BCAS3: variants seen among roughly 807,000 people sequenced by gnomAD.
The protein encoded by BCAS3 is BCAS3 microtubule associated cell migration factor.
Under a neutral mutation model 116.1 loss-of-function variants are expected in BCAS3, and 53 were observed. The observed-to-expected ratio is 0.46, with a 90% CI of 0.37 to 0.57. BCAS3 has a LOEUF of 0.57. Ranked by LOEUF, BCAS3 falls within the 20% of genes least tolerant of loss-of-function variation. The probability of loss-of-function intolerance (pLI) is 0.00; values close to 1 mark genes in which losing one functional copy is unlikely to be tolerated. For missense variants in BCAS3, 917 were observed against 1,165.4 expected (o/e 0.79, Z 3.10); for synonymous variants, 391 against 408.2 (o/e 0.96, Z 0.51).
rs1159763158 is a variant in BCAS3, at chr17:61,325,494, T to C, written c.2426-42833T>C. Among the ~76,000 whole-genome samples, 1 of 152,204 alleles carries C rather than the reference T, an allele frequency of 6.6e-6. No individual in the cohort carries two copies. The highest frequency in any genetic ancestry group is 2.4e-5 in the African/African-American group (1 of 41,466). ...CTGCACTGGCTCTCCCTGAGGGCTT[T>C]CCATACCAATTCATTCTTGGTCAGT... On this transcript the variant is annotated intron_variant, in intron 22 of 23. Transcript: ENST00000407086. The surrounding 1 kb of genome is among the most constrained non-coding windows in gnomAD (Gnocchi z 6.4).
intron 22 of BCAS3, among the ~76,000 whole-genome samples, chr17:61,312,930 T>TAAGTTG: frequency 6.6e-6 from 1 of 152,188 alleles, no homozygotes; most frequent in Non-Finnish European, 1.5e-5. Flanking sequence ...GCATTCCCCT[T>TAAGTTG]TGAGCATCCA....
intron 14 of BCAS3, among the ~76,000 whole-genome samples, chr17:60,958,007 G>C (rs532863290): frequency 4.7e-4 from 71 of 152,190 alleles, no homozygotes; most frequent in Non-Finnish European, 9.4e-4. Context: ...ATTGAAAGAT[G>C]GCAATCCCTG....
At chr17:60,917,356 T>C (rs563598029) in intron 12 of BCAS3, among the ~76,000 whole-genome samples, 1 of 152,322 alleles carries the variant, frequency 6.6e-6, no homozygotes, top group Admixed American at 6.5e-5. Flanking sequence ...CATTCTACTT[T>C]CTGTGTTTGA....
At chr17:60,710,109 A>T (rs1446211963) in intron 5 of BCAS3, among the ~76,000 whole-genome samples, 1 of 151,820 alleles carries the variant, frequency 6.6e-6, no homozygotes, top group Non-Finnish European at 1.5e-5. Flanking sequence ...GAGCCACTGC[A>T]CCCAGCTGAG....
At chr17:60,934,500 G>A (rs75944732) in intron 13 of BCAS3, among the ~76,000 whole-genome samples, 2,235 of 152,314 alleles carry the variant, frequency 0.015, 32 homozygotes, top group Non-Finnish European at 0.022. Flanking sequence ...AGAAGGATCT[G>A]TATAGTCAGG....
In BCAS3 at chr17:60,897,914, T is replaced by A. The variant is rs182567564; in HGVS notation, c.739-4706T>A. Among the ~76,000 whole-genome samples, 1,495 of 151,686 alleles carry A rather than the reference T, an allele frequency of 9.9e-3. 18 individuals carry two copies. The highest frequency in any genetic ancestry group is 0.012 in the Non-Finnish European group (839 of 67,896). ...TAATTTTTATTTTATTTTTATTTTT[T>A]TTTTTGGTAGAGATAGGGTCCTGCC... is the stretch of plus-strand genomic sequence containing the variant. On this transcript the variant is annotated intron_variant, in intron 10 of 23. Transcript: ENST00000407086.
At chr17:60,766,590 C>T (rs868049508) in intron 6 of BCAS3, among the ~76,000 whole-genome samples, 1 of 152,180 alleles carries the variant, frequency 6.6e-6, no homozygotes, top group Admixed American at 6.5e-5. Context: ...GGGCACCCGG[C>T]TGTATGAGGT....
chr17:61,350,414 CAATAAATAAATAAATAAATA>C (rs55888678), intron 22 of BCAS3, among the ~76,000 whole-genome samples: 3 of 136,722 alleles, frequency 2.2e-5, no homozygotes, highest in African/African-American at 8.0e-5. Flanking sequence ...GACTCTGTCT[CAATAAATAAATAAATAAATA>C]AATAAATAAA....
At chr17:61,040,696 T>G in intron 18 of BCAS3, 96 bp from the exon 19 acceptor site, 5 of 970,586 alleles carry the variant, frequency 5.2e-6, no homozygotes, top group Non-Finnish European at 6.5e-6. Context: ...AAAAGTAGTG[T>G]GAGTTTAAGT....
intron 10 of BCAS3, among the ~76,000 whole-genome samples, chr17:60,891,393 A>C (rs563648916): frequency 8.9e-4 from 135 of 152,350 alleles, no homozygotes; most frequent in African/African-American, 2.7e-3. Context: ...ATACATGTTA[A>C]TATCTGGTGT....
At chr17:60,849,087 T>C (rs1033064839) in intron 7 of BCAS3, among the ~76,000 whole-genome samples, 9 of 152,304 alleles carry the variant, frequency 5.9e-5, no homozygotes, top group African/African-American at 2.2e-4. Flanking sequence ...TAAACACAGA[T>C]AGACACATAG....
In BCAS3 at chr17:61,313,983, A is replaced by G. The variant is rs1210431134; in HGVS notation, c.2426-54344A>G. ...AGCACACAGGCCATTCCTCTTTTCC[A>G]TTCAAAGAAAATCTTACTTGCCTTC... is the stretch of plus-strand genomic sequence containing the variant. On this transcript the variant is annotated intron_variant, in intron 22 of 23. Transcript: ENST00000407086. The surrounding 1 kb of genome is among the most constrained non-coding windows in gnomAD (Gnocchi z 4.3). 6.6e-6 allele frequency among the ~76,000 whole-genome samples: 1 copy of G among 152,176 alleles called. No individual in the cohort carries two copies. The highest frequency in any genetic ancestry group is 1.5e-5 in the Non-Finnish European group (1 of 68,030).
chr17:60,704,600 G>C (rs753691380), intron 4 of BCAS3, among the ~76,000 whole-genome samples: 4 of 152,054 alleles, frequency 2.6e-5, no homozygotes, highest in African/African-American at 7.2e-5. Flanking sequence ...CAGCACTTTG[G>C]GGGGCCGAGG....
rs989084175 is a variant in BCAS3, at chr17:61,343,136, G to T, written c.2426-25191G>T. ...CCAGGCTCCTGGGCCACCGAGGAGG[G>T]TCAATTCGTGGAGGGGTGGCACCAA... is the stretch of plus-strand genomic sequence containing the variant. On this transcript the variant is annotated intron_variant, in intron 22 of 23. Coordinates refer to ENST00000407086, the MANE Select transcript of BCAS3 (RefSeq NM_017679.5). The surrounding 1 kb of genome is among the most constrained non-coding windows in gnomAD (Gnocchi z 5.5). 2.6e-5 allele frequency among the ~76,000 whole-genome samples: 4 copies of T among 152,204 alleles called. No individual in the cohort carries two copies. The highest frequency in any genetic ancestry group is 9.7e-5 in the African/African-American group (4 of 41,450).
rs2065579656 is a variant in BCAS3 at position 61,017,933 on chromosome 17, C to T, written c.1637+2032C>T. Among the ~76,000 whole-genome samples, 1 of 152,118 alleles carries T rather than the reference C, an allele frequency of 6.6e-6. No homozygotes were observed. Among genetic ancestry groups the T allele is most frequent in the African/African-American group, 2.4e-5 (1 of 41,426 alleles). On this transcript the variant is annotated intron_variant, in intron 16 of 23. Coordinates refer to ENST00000407086, the MANE Select transcript of BCAS3 (RefSeq NM_017679.5). This position sits in a 1 kb window ranked among gnomAD's most constrained non-coding sequence, Gnocchi z 4.7. ...AAAATTCTTATGTTTCCTTTTCTTA[C>T]AAAAATTTGCTCTCTGTTCTCAGAT...
chr17:60,979,987 G>T (rs2062689416), intron 14 of BCAS3, among the ~76,000 whole-genome samples: 1 of 152,052 alleles, frequency 6.6e-6, no homozygotes, highest in Non-Finnish European at 1.5e-5. Flanking sequence ...CCCGGCTTTG[G>T]TATCAGGATG....
In BCAS3 at chr17:61,082,818, T is replaced by C. The variant is rs1231317928; in HGVS notation, c.2328-1649T>C. On this transcript the variant is annotated intron_variant, in intron 21 of 23. Coordinates refer to ENST00000407086, the MANE Select transcript of BCAS3 (RefSeq NM_017679.5). The surrounding 1 kb of genome is among the most constrained non-coding windows in gnomAD (Gnocchi z 5.1). ...CTGGGGTGGAATGAATATTGGGTAG[T>C]CCTACATAGCAGTGATCAATATTTG... Among the ~76,000 whole-genome samples, 7 of 152,200 alleles carry C rather than the reference T, an allele frequency of 4.6e-5. No homozygotes were observed. The highest frequency in any genetic ancestry group is 1.0e-4 in the Non-Finnish European group (7 of 68,034).
intron 22 of BCAS3, among the ~76,000 whole-genome samples, chr17:61,191,575 A>T (rs2080118751): frequency 6.6e-6 from 1 of 151,804 alleles, no homozygotes; most frequent in Non-Finnish European, 1.5e-5. Flanking sequence ...GGAGATTGAG[A>T]CCATGCTGGC....
At chr17:60,953,932 C>G (rs903800533) in intron 14 of BCAS3, among the ~76,000 whole-genome samples, 47 of 152,172 alleles carry the variant, frequency 3.1e-4, no homozygotes, top group African/African-American at 1.1e-3. Flanking sequence ...TGGGGTTTCA[C>G]TATATTGGCC....
Sources: gnomAD v4.1 joint callset for allele counts (sites outside exome capture counted in the v4.1 genomes callset) on GRCh38, gnomAD v4.1.1 for gene constraint, Gnocchi (gnomAD v3.1) non-coding constraint, MANE v1.5 for transcripts, NCBI Gene and HGNC (gene_info 2026-07-23, HGNC 2026-07-21) for gene names.